XXYLT1: variants seen among roughly 807,000 people sequenced by gnomAD.
XXYLT1 encodes UDP-xylose:alpha-xyloside alpha-1,3-xylosyltransferase.
Under a neutral mutation model 28.9 loss-of-function variants are expected in XXYLT1, and 20 were observed. The observed-to-expected ratio is 0.69, with a 90% CI of 0.49 to 1.00. The LOEUF (loss-of-function observed/expected upper bound fraction) is 1.00. XXYLT1 is among the 50% of genes least tolerant of loss of function. The pLI is 0.00. For synonymous variants in XXYLT1, 257 were observed against 253.8 expected, an observed-to-expected ratio of 1.01 and a Z score of -0.12; for missense variants, 542 against 560.1, an observed-to-expected ratio of 0.97 and a Z score of 0.33.
At chr3:195,216,813 G>A (rs1169348721) in intron 2 of XXYLT1, among the ~76,000 whole-genome samples, 1 of 131,884 alleles carries the variant, frequency 7.6e-6, no homozygotes, top group Non-Finnish European at 1.6e-5. Context: ...CTCATTTTAT[G>A]AGGCCAGCAT....
chr3:195,113,508 A>C (rs1369827696), intron 3 of XXYLT1, among the ~76,000 whole-genome samples: 1 of 152,200 alleles, frequency 6.6e-6, no homozygotes, highest in East Asian at 1.9e-4. Context: ...TGGTTTGTCC[A>C]AGGTCACAGG....
chr3:195,202,508 CAAT>C (rs1324892199), intron 2 of XXYLT1, among the ~76,000 whole-genome samples: 1 of 151,946 alleles, frequency 6.6e-6, no homozygotes, highest in Non-Finnish European at 1.5e-5. Flanking sequence ...ACATGCTGTC[CAAT>C]ATTATCCAGT....
At chr3:195,241,680 C>T (rs892610407) in intron 1 of XXYLT1, among the ~76,000 whole-genome samples, 7 of 152,062 alleles carry the variant, frequency 4.6e-5, no homozygotes, top group African/African-American at 1.7e-4. Flanking sequence ...CTCAGAGAAC[C>T]CTCCCCCAGA....
At chr3:195,235,764 T>A (rs757821996) in intron 1 of XXYLT1, among the ~76,000 whole-genome samples, 1 of 152,186 alleles carries the variant, frequency 6.6e-6, no homozygotes, top group South Asian at 2.1e-4. Context: ...AGCAATGCCG[T>A]GGTTCTTGCA....
chr3:195,134,876 CGCGCGT>C (rs1560112601), intron 3 of XXYLT1, among the ~76,000 whole-genome samples: 5 of 131,288 alleles, frequency 3.8e-5, no homozygotes, highest in Non-Finnish European at 6.4e-5. Flanking sequence ...TGTGCGTGTG[CGCGCGT>C]GCGCGCACGT....
intron 3 of XXYLT1, among the ~76,000 whole-genome samples, chr3:195,111,674 C>T (rs1300794884): frequency 1.3e-5 from 2 of 152,186 alleles, no homozygotes; most frequent in African/African-American, 4.8e-5. Context: ...CACCCATCTA[C>T]CACTGGTACT....
intron 2 of XXYLT1, among the ~76,000 whole-genome samples, chr3:195,225,759 TG>T (rs1175183567): frequency 2.5e-4 from 37 of 149,544 alleles, no homozygotes; most frequent in African/African-American, 3.4e-4. Context: ...AATTTAATCA[TG>T]GGGGGCAGTT....
chr3:195,085,731 C>G (rs1286663796), intron 3 of XXYLT1, among the ~76,000 whole-genome samples: 1 of 152,226 alleles, frequency 6.6e-6, no homozygotes, highest in Non-Finnish European at 1.5e-5. Flanking sequence ...GAGTTTGGTT[C>G]AAAACCGTCA....
intron 3 of XXYLT1, among the ~76,000 whole-genome samples, chr3:195,082,841 AAAG>A (rs1336889096): frequency 1.3e-5 from 2 of 152,050 alleles, no homozygotes; most frequent in African/African-American, 2.4e-5. Flanking sequence ...TCAAAAAAAA[AAAG>A]AAGGACCTCT....
rs1560117273 is a variant in XXYLT1, at chr3:195,143,865, GATATAGATAT to G, written c.785+12574_785+12583del. Reference sequence around the variant, plus strand: ...ATAGATATATATATAGATATATATAGATATAGATATATATATATATATATTTATTTTTTAT... The same window carrying G: ...ATAGATATATATATAGATATATATAGATATATATATATATTTATTTTTTAT... On this transcript the variant is annotated intron_variant, in intron 3 of 3. Coordinates refer to ENST00000310380, the MANE Select transcript of XXYLT1 (RefSeq NM_152531.5). 7.8e-5 allele frequency among the ~76,000 whole-genome samples: 6 copies of G among 76,472 alleles called. 1 individual carries two copies. Among genetic ancestry groups the G allele is most frequent in the African/African-American group, 2.5e-4 (4 of 16,258 alleles). The allele number at this position is 76,472 out of a possible 152,430, so 50.2% of individuals were successfully genotyped here.
intron 1 of XXYLT1, among the ~76,000 whole-genome samples, chr3:195,261,216 T>G (rs1337287174): frequency 6.6e-6 from 1 of 152,098 alleles, no homozygotes; most frequent in Non-Finnish European, 1.5e-5. Flanking sequence ...GCGGATCACC[T>G]GAGGTCAGGA....
At chr3:195,114,993 C>T (rs1216411162) in intron 3 of XXYLT1, among the ~76,000 whole-genome samples, 1 of 152,294 alleles carries the variant, frequency 6.6e-6, no homozygotes, top group South Asian at 2.1e-4. Flanking sequence ...TGCCGCAGGC[C>T]CCACCCGTTC....
chr3:195,219,215 A>G, intron 2 of XXYLT1, among the ~76,000 whole-genome samples: 1 of 152,080 alleles, frequency 6.6e-6, no homozygotes, highest in Middle Eastern at 3.4e-3. Context: ...ACCTAATGCT[A>G]GATGACGAGT....
chr3:195,087,841 G>C (rs988139154), intron 3 of XXYLT1, among the ~76,000 whole-genome samples: 1 of 152,046 alleles, frequency 6.6e-6, no homozygotes, highest in Non-Finnish European at 1.5e-5. Context: ...TGCGCGAGCC[G>C]AAGCAGGGCG....
chr3:195,184,121 A>G (rs1448666016), intron 2 of XXYLT1, among the ~76,000 whole-genome samples: 3 of 152,230 alleles, frequency 2.0e-5, no homozygotes, highest in Non-Finnish European at 2.9e-5. Flanking sequence ...TCATTGAGCT[A>G]TGAGCAAAGA....
At chr3:195,244,403 T>G (rs1468735352) in intron 1 of XXYLT1, among the ~76,000 whole-genome samples, 1 of 151,946 alleles carries the variant, frequency 6.6e-6, no homozygotes, top group Non-Finnish European at 1.5e-5. Context: ...AAACACAGAC[T>G]CCAGGGTACT....
intron 3 of XXYLT1, among the ~76,000 whole-genome samples, chr3:195,084,801 GC>G: frequency 6.6e-6 from 1 of 152,300 alleles, no homozygotes; most frequent in East Asian, 1.9e-4. Context: ...GATGTGAAGA[GC>G]ACAGTGAATC....
intron 1 of XXYLT1, among the ~76,000 whole-genome samples, chr3:195,261,016 T>C (rs1282987003): frequency 6.6e-6 from 1 of 152,226 alleles, no homozygotes; most frequent in Non-Finnish European, 1.5e-5. Flanking sequence ...AGCGGGGTCC[T>C]GAAGTGCCTC....
At chr3:195,142,644 CAAA>C (rs1182693875) in intron 3 of XXYLT1, among the ~76,000 whole-genome samples, 1 of 152,238 alleles carries the variant, frequency 6.6e-6, no homozygotes, top group Non-Finnish European at 1.5e-5. Context: ...GATGGGCCAT[CAAA>C]GAGGCCACTT....
Sources: allele counts gnomAD v4.1 joint callset (sites outside exome capture counted in the v4.1 genomes callset), GRCh38; gene constraint gnomAD v4.1.1; transcripts MANE v1.5; gene names NCBI Gene and HGNC (gene_info 2026-07-23, HGNC 2026-07-21).